AUTS2: variants seen among roughly 807,000 people sequenced by gnomAD.
AUTS2 encodes autism susceptibility gene 2 protein.
Under a neutral mutation model 112.4 loss-of-function variants are expected in AUTS2, and 17 were observed. That is an observed-to-expected ratio of 0.15 (90% CI 0.10 to 0.23). The LOEUF (loss-of-function observed/expected upper bound fraction) is 0.23, where lower values mean the gene tolerates loss of function less well. AUTS2 is among the 10% of genes least tolerant of loss of function. AUTS2 has a pLI of 1.00. For missense variants in AUTS2, 1,510 were observed against 1,701.6 expected (o/e 0.89, Z 1.98); for synonymous variants, 751 against 702.7 (o/e 1.07, Z -1.09).
At chr7:69,770,896 T>C (rs1456300462) in intron 1 of AUTS2, among the ~76,000 whole-genome samples, 28 of 151,948 alleles carry the variant, frequency 1.8e-4, no homozygotes, top group Admixed American at 1.8e-3. Flanking sequence ...CACCAGTAAA[T>C]TGCACTTAAA....
chr7:70,084,083 A>T (rs1374667588), intron 2 of AUTS2, among the ~76,000 whole-genome samples: 2 of 152,194 alleles, frequency 1.3e-5, no homozygotes, highest in Non-Finnish European at 2.9e-5. Context: ...CAAACAAAAA[A>T]AACAAAAAAC....
chr7:70,013,943 C>T (rs771502361), intron 2 of AUTS2, among the ~76,000 whole-genome samples: 17 of 152,128 alleles, frequency 1.1e-4, no homozygotes, highest in African/African-American at 3.9e-4. Flanking sequence ...GTCTCGATCT[C>T]CTGACCTCGT....
At chr7:70,090,489 G>A (rs545907371) in intron 2 of AUTS2, among the ~76,000 whole-genome samples, 6 of 151,768 alleles carry the variant, frequency 4.0e-5, no homozygotes, top group African/African-American at 1.2e-4. Context: ...TCAGCCTCCC[G>A]ACTGGCTGGG....
intron 4 of AUTS2, among the ~76,000 whole-genome samples, chr7:70,319,687 A>G (rs1790161937): frequency 6.6e-6 from 1 of 152,210 alleles, no homozygotes; most frequent in Admixed American, 6.5e-5. Flanking sequence ...TGGTTTCCTC[A>G]GGGCTCAGAA....
rs529554739 is a variant in AUTS2 at position 70,628,242 on chromosome 7, T to C, written c.691-70327T>C. Reference sequence around the variant, plus strand: ...GTGGGACAGATTTACCATGAAGCTCTTGAAGCTTAAGCTGCAGGGCCCCTG... The same window carrying C: ...GTGGGACAGATTTACCATGAAGCTCCTGAAGCTTAAGCTGCAGGGCCCCTG... On this transcript the variant is annotated intron_variant, in intron 5 of 18. Coordinates refer to ENST00000342771, the MANE Select transcript of AUTS2 (RefSeq NM_015570.4). Among the ~76,000 whole-genome samples, 10 of 152,104 alleles carry C rather than the reference T, an allele frequency of 6.6e-5. No homozygotes were observed. In the South Asian group the frequency reaches 1.2e-3, roughly 19 times the overall value.
intron 1 of AUTS2, among the ~76,000 whole-genome samples, chr7:69,770,689 C>G (rs1037249859): frequency 6.6e-6 from 1 of 152,094 alleles, no homozygotes; most frequent in African/African-American, 2.4e-5. Flanking sequence ...CTTTATATAG[C>G]AAGGATTTCC....
chr7:69,638,074 A>C (rs542981630), intron 1 of AUTS2, among the ~76,000 whole-genome samples: 33 of 152,368 alleles, frequency 2.2e-4, no homozygotes, highest in African/African-American at 7.7e-4. Context: ...ACTGGAATCC[A>C]GTGGTGCATT....
intron 5 of AUTS2, among the ~76,000 whole-genome samples, chr7:70,495,501 A>G (rs935173665): frequency 6.6e-6 from 1 of 152,016 alleles, no homozygotes; most frequent in Non-Finnish European, 1.5e-5. Context: ...TACCTTTAGC[A>G]GCAGAAATTT....
At chr7:70,238,109 TAAGA>T (rs1812421108) in intron 4 of AUTS2, among the ~76,000 whole-genome samples, 1 of 152,188 alleles carries the variant, frequency 6.6e-6, no homozygotes, top group African/African-American at 2.4e-5. Flanking sequence ...CCCCATCTGG[TAAGA>T]GTGATTAGAG....
chr7:69,619,134 T>C (rs1375909162), intron 1 of AUTS2, among the ~76,000 whole-genome samples: 1 of 152,152 alleles, frequency 6.6e-6, no homozygotes, highest in South Asian at 2.1e-4. Flanking sequence ...TCTTAAAGCA[T>C]TTTTTAATGT....
chr7:69,933,081 C>T (rs1308710367), intron 2 of AUTS2, among the ~76,000 whole-genome samples: 1 of 152,210 alleles, frequency 6.6e-6, no homozygotes, highest in Non-Finnish European at 1.5e-5. Context: ...TGTGTAATTA[C>T]ACTTCCATGC....
intron 6 of AUTS2, among the ~76,000 whole-genome samples, chr7:70,707,929 G>A (rs187001090): frequency 1.1e-3 from 169 of 152,280 alleles, no homozygotes; most frequent in African/African-American, 3.6e-3. Context: ...AGGGAATGGC[G>A]TTCTGTGGGC....
intron 4 of AUTS2, among the ~76,000 whole-genome samples, chr7:70,367,381 C>G (rs1437868554): frequency 6.6e-6 from 1 of 151,852 alleles, no homozygotes; most frequent in Non-Finnish European, 1.5e-5. Flanking sequence ...ACGGTGAAAC[C>G]CCATCTCTAC....
chr7:69,611,997 C>G, intron 1 of AUTS2, among the ~76,000 whole-genome samples: 1 of 147,546 alleles, frequency 6.8e-6, no homozygotes, highest in East Asian at 2.0e-4. Context: ...CACTTTGAAT[C>G]ATTCAAGCTT....
chr7:70,308,088 G>T (rs1789568864), intron 4 of AUTS2, among the ~76,000 whole-genome samples: 2 of 152,192 alleles, frequency 1.3e-5, no homozygotes, highest in African/African-American at 2.4e-5. Flanking sequence ...AACTTACATT[G>T]TTTCTCTCAT....
chr7:69,918,092 C>T (rs984064528), intron 2 of AUTS2, among the ~76,000 whole-genome samples: 18 of 152,224 alleles, frequency 1.2e-4, no homozygotes, highest in African/African-American at 3.9e-4. Context: ...CCACCTGCCT[C>T]GGCCTCCCAA....
chr7:69,887,477 G>A (rs1425443861), intron 1 of AUTS2, among the ~76,000 whole-genome samples: 3 of 151,308 alleles, frequency 2.0e-5, no homozygotes, highest in Admixed American at 6.6e-5. Flanking sequence ...AAGCTAGAAG[G>A]CCTCCTCCAG....
At chr7:70,491,500 T>C (rs2116420567) in intron 5 of AUTS2, among the ~76,000 whole-genome samples, 1 of 147,794 alleles carries the variant, frequency 6.8e-6, no homozygotes, top group Non-Finnish European at 1.5e-5. Flanking sequence ...ATACACATAA[T>C]ATATATGTTA....
At chr7:70,735,883 G>T (rs1381816306) in intron 6 of AUTS2, among the ~76,000 whole-genome samples, 1 of 152,172 alleles carries the variant, frequency 6.6e-6, no homozygotes, top group Non-Finnish European at 1.5e-5. Context: ...CTTAGTTTGG[G>T]AGGCTAGGTA....
Sources: gnomAD v4.1 joint callset for allele counts (sites outside exome capture counted in the v4.1 genomes callset) on GRCh38, gnomAD v4.1.1 for gene constraint, MANE v1.5 for transcripts, NCBI Gene and HGNC (gene_info 2026-07-23, HGNC 2026-07-21) for gene names.